Variants in OSTN observed in about 807,000 individuals in gnomAD.
The protein encoded by OSTN is osteocrin.
A neutral mutation model predicts 12.0 loss-of-function variants in OSTN; 9 were observed. The ratio of observed to expected loss-of-function variants is 0.75; its 90% CI spans 0.45 to 1.30. OSTN has a LOEUF of 1.30. Ranked by LOEUF, OSTN falls within the 50% of genes most tolerant of loss-of-function variation. The pLI is 0.00. For synonymous variants in OSTN, 59 were observed against 56.9 expected (o/e 1.04, Z -0.16); for missense variants, 148 against 152.3 (o/e 0.97, Z 0.15).
In OSTN at chr3:191,232,331, T is replaced by TAAAAAAAAAAAAAAAA. The variant is rs61313474; in HGVS notation, c.317+13385_317+13400dup. On this transcript the variant is annotated intron_variant, in intron 3 of 4. Coordinates refer to ENST00000682035, the MANE Select transcript of OSTN (RefSeq NM_198184.2). ...CTGGGTGACAGAGGGAGACTCTGTC[T>TAAAAAAAAAAAAAAAA]AAAAAAAAAAAAAAAAAAAAAAAAA... 1.1e-3 allele frequency among the ~76,000 whole-genome samples: 77 copies of TAAAAAAAAAAAAAAAA among 67,486 alleles called. 1 individual carries two copies. Among genetic ancestry groups the TAAAAAAAAAAAAAAAA allele is most frequent in the African/African-American group, 6.4e-3 (73 of 11,378 alleles). 44.3% of individuals were successfully genotyped at this position (67,486 alleles called of 152,430 possible). A position where few individuals can be genotyped will look rare whatever the true frequency, so the allele number is the denominator to read the frequency against.
chr3:191,218,009 A>G (rs984181096), intron 2 of OSTN, among the ~76,000 whole-genome samples: 2 of 152,242 alleles, frequency 1.3e-5, no homozygotes, highest in African/African-American at 2.4e-5. Context: ...CATTAAATAA[A>G]GTAAATGAAA....
chr3:191,242,851 T>TA (rs916159486), intron 3 of OSTN, among the ~76,000 whole-genome samples: 41 of 152,050 alleles, frequency 2.7e-4, no homozygotes, highest in African/African-American at 9.7e-4. Flanking sequence ...AAAGATTTTT[T>TA]AAAAAATCAC....
intron 1 of OSTN, among the ~76,000 whole-genome samples, chr3:191,202,868 T>G (rs1178831769): frequency 6.6e-6 from 1 of 152,226 alleles, no homozygotes; most frequent in African/African-American, 2.4e-5. Flanking sequence ...TTGCCTACAA[T>G]TATATACTAA....
At chr3:191,252,465 G>A (rs1028411040) in intron 4 of OSTN, among the ~76,000 whole-genome samples, 2 of 152,198 alleles carry the variant, frequency 1.3e-5, no homozygotes, top group Non-Finnish European at 2.9e-5. Flanking sequence ...ACTGTTGGGT[G>A]AAATCCAAAT....
chr3:191,205,343 T>A (rs1390493834), intron 1 of OSTN, among the ~76,000 whole-genome samples: 1 of 152,092 alleles, frequency 6.6e-6, no homozygotes, highest in Non-Finnish European at 1.5e-5. Flanking sequence ...CCCAGCATAA[T>A]GCTGAATATC....
intron 1 of OSTN, among the ~76,000 whole-genome samples, chr3:191,210,345 C>A (rs1042765764): frequency 6.6e-6 from 1 of 152,092 alleles, no homozygotes; most frequent in African/African-American, 2.4e-5. Context: ...TGCCTCTGTG[C>A]AAACACATTG....
At chr3:191,260,713 C>T (rs563195633) in intron 4 of OSTN, among the ~76,000 whole-genome samples, 184 of 152,228 alleles carry the variant, frequency 1.2e-3, no homozygotes, top group Non-Finnish European at 2.2e-3. Flanking sequence ...CCATGCCCTT[C>T]GGGTGATGGA....
chr3:191,259,760 CA>C (rs1474141018), intron 4 of OSTN, among the ~76,000 whole-genome samples: 2 of 151,558 alleles, frequency 1.3e-5, no homozygotes, highest in African/African-American at 2.4e-5. Flanking sequence ...CAATCTCTTA[CA>C]AAGGATTTTA....
intron 3 of OSTN, among the ~76,000 whole-genome samples, chr3:191,238,611 T>TA (rs1715254223): frequency 6.6e-6 from 1 of 152,218 alleles, no homozygotes; most frequent in South Asian, 2.1e-4. Flanking sequence ...TTGACTCAGT[T>TA]CCCGAACTTA....
At chr3:191,252,651 G>A (rs939889998) in intron 4 of OSTN, among the ~76,000 whole-genome samples, 2 of 152,086 alleles carry the variant, frequency 1.3e-5, no homozygotes, top group Non-Finnish European at 2.9e-5. Flanking sequence ...CGACCGTTTT[G>A]TTTCTATTTA....
At chr3:191,260,655 T>A (rs1715785842) in intron 4 of OSTN, among the ~76,000 whole-genome samples, 1 of 152,130 alleles carries the variant, frequency 6.6e-6, no homozygotes, top group African/African-American at 2.4e-5. Flanking sequence ...AAAAAAAGTC[T>A]TGGGTTCCCA....
At chr3:191,248,965 C>G (rs1300764709) in intron 3 of OSTN, among the ~76,000 whole-genome samples, 2 of 152,152 alleles carry the variant, frequency 1.3e-5, no homozygotes, top group Non-Finnish European at 2.9e-5. Context: ...TTAAGTTTAT[C>G]TCTCATTGCA....
chr3:191,249,990 A>G (rs2034771), intron 3 of OSTN, 47 bp from the exon 4 acceptor site: 356,362 of 1,376,806 alleles, frequency 0.26, 48,612 homozygotes, highest in Admixed American at 0.39. Flanking sequence ...AATAATGATC[A>G]ATAACTTGCC....
chr3:191,227,143 TAAA>T (rs968840128), intron 3 of OSTN, among the ~76,000 whole-genome samples: 1 of 149,396 alleles, frequency 6.7e-6, no homozygotes, highest in Non-Finnish European at 1.5e-5. Context: ...CCTTGAAAAA[TAAA>T]GAAGAAAAAG....
At chr3:191,253,990 A>T (rs1355460057) in intron 4 of OSTN, among the ~76,000 whole-genome samples, 3 of 152,256 alleles carry the variant, frequency 2.0e-5, no homozygotes, top group African/African-American at 7.2e-5. Flanking sequence ...ATAGAAATAG[A>T]CAAAAGATGG....
chr3:191,258,786 G>T (rs969637905), intron 4 of OSTN, among the ~76,000 whole-genome samples: 3 of 152,062 alleles, frequency 2.0e-5, no homozygotes, highest in Admixed American at 2.0e-4. Flanking sequence ...TGTTTAAACC[G>T]CACCGTTGTT....
intron 3 of OSTN, among the ~76,000 whole-genome samples, chr3:191,236,939 A>G (rs1309157881): frequency 6.6e-6 from 1 of 152,182 alleles, no homozygotes; most frequent in Non-Finnish European, 1.5e-5. Flanking sequence ...TCGGAGAGAT[A>G]AAATGATTTC....
At chr3:191,254,923 TG>T (rs1232430017) in intron 4 of OSTN, among the ~76,000 whole-genome samples, 1 of 152,168 alleles carries the variant, frequency 6.6e-6, no homozygotes, top group African/African-American at 2.4e-5. Context: ...TGTATGAATT[TG>T]GGTGAATTTC....
intron 3 of OSTN, among the ~76,000 whole-genome samples, chr3:191,246,067 CAAAAAAAAAAAAA>C (rs149962240): frequency 1.7e-5 from 1 of 60,360 alleles, no homozygotes; most frequent in Non-Finnish European, 3.0e-5. Context: ...AACTCTGTCT[CAAAAAAAAAAAAA>C]AAAAAAAAAA....
Sources: allele counts gnomAD v4.1 joint callset (sites outside exome capture counted in the v4.1 genomes callset), GRCh38; gene constraint gnomAD v4.1.1; transcripts MANE v1.5; gene names NCBI Gene and HGNC (gene_info 2026-07-23, HGNC 2026-07-21).